ZNF555: variants seen among roughly 807,000 people sequenced by gnomAD.
ZNF555 encodes the protein zinc finger protein 555.
In ZNF555, 10 loss-of-function variants were observed where a neutral mutation model predicts 14.0. That is an observed-to-expected ratio of 0.72 (90% CI 0.44 to 1.21). The LOEUF is 1.21. Among genes scored for constraint, ZNF555 ranks in the 50% most tolerant of loss-of-function variants. ZNF555 has a pLI of 0.00. For synonymous variants in ZNF555, 277 were observed against 262.4 expected (o/e 1.06, Z -0.54); for missense variants, 747 against 762.0 (o/e 0.98, Z 0.23).
In ZNF555 at chr19:2,852,912, C is replaced by A. The variant is rs770469039; in HGVS notation, c.847C>A (p.Pro283Thr). The A allele has an allele frequency of 1.9e-6, 3 of 1,614,162 alleles. No individual in the cohort carries two copies. Among genetic ancestry groups the A allele is most frequent in the Non-Finnish European group, 2.5e-6 (3 of 1,180,046 alleles). Reference sequence around the variant, plus strand: ...CACAATAACACACACTGGCGAGAAGCCATATAAATGTAAGGAATGTGCGGA... The same window carrying A: ...CACAATAACACACACTGGCGAGAAGACATATAAATGTAAGGAATGTGCGGA... ...RHTITHTGEK[P>T]YKCKECAEAF... Residue 283 changes from proline (P) to threonine (T), a missense_variant, in exon 4 of 4, where the codon CCA (proline) becomes ACA (threonine). Transcript: ENST00000334241.
At position 2,859,193 on chromosome 19, in the gene ZNF555, G is replaced by A. The variant is rs1233116666; in HGVS notation, c.*5241G>A. On this transcript the variant is annotated 3_prime_UTR_variant, in exon 4 of 4. Coordinates refer to ENST00000334241, the MANE Select transcript of ZNF555 (RefSeq NM_152791.5). ...TGTGCTTTGTTGGGGCTATCTGGGA[G>A]TTTCCGCCTTCCATGAAGTGCGCAG... 1 of 152,318 alleles carries A rather than the reference G, an allele frequency of 6.6e-6. No homozygotes were observed. The highest frequency in any genetic ancestry group is 1.5e-5 in the Non-Finnish European group (1 of 68,098). The allele number at this position is 152,318 out of a possible 1,614,324, so 9.4% of individuals were successfully genotyped here.
chr19:2,842,025 C>G (rs1346950264), intron 1 of ZNF555, among the ~76,000 whole-genome samples: 4 of 152,038 alleles, frequency 2.6e-5, no homozygotes, highest in Non-Finnish European at 5.9e-5. Flanking sequence ...GCCGCGGTGC[C>G]TCCTGGGGTG....
intron 1 of ZNF555, among the ~76,000 whole-genome samples, chr19:2,844,798 CG>C (rs1289745542): frequency 6.6e-6 from 1 of 152,172 alleles, no homozygotes; most frequent in Non-Finnish European, 1.5e-5. Flanking sequence ...GCTCTTCCTG[CG>C]TCCACCCCCT....
intron 1 of ZNF555, among the ~76,000 whole-genome samples, chr19:2,848,237 CGCCTCCCGGGTTCACGCCATTCTCCT>C (rs1386080108): frequency 3.9e-5 from 6 of 151,920 alleles, no homozygotes; most frequent in Non-Finnish European, 7.4e-5. Context: ...CTACAAGCTC[CGCCTCCCGGGTTCACGCCATTCTCCT>C]GCCTCAGCCT....
intron 1 of ZNF555, among the ~76,000 whole-genome samples, chr19:2,842,494 A>G (rs1260087442): frequency 6.6e-6 from 1 of 152,204 alleles, no homozygotes; most frequent in African/African-American, 2.4e-5. Context: ...GGGGGCTAAA[A>G]CCACGGAAAT....
At position 2,851,561 on chromosome 19, in the gene ZNF555, C is replaced by G; in HGVS notation, c.224C>G (p.Thr75Ser). 1 of 1,612,740 alleles carries G rather than the reference C, an allele frequency of 6.2e-7. No homozygotes were observed. The highest frequency in any genetic ancestry group is 8.5e-7 in the Non-Finnish European group (1 of 1,179,672). ...AAGGAATCTAAAATAGCCACGTTCA[C>G]CAGAAATGTTTCCTGGGCCTCTGTT... ...IPKESKIATF[T>S]RNVSWASVLG... The change falls in exon 3 of 4, where the codon ACC (threonine) becomes AGC (serine). Residue 75 changes from threonine to serine, a missense_variant. Transcript: ENST00000334241.
chr19:2,845,878 G>A (rs1430669003), intron 1 of ZNF555, among the ~76,000 whole-genome samples: 3 of 152,174 alleles, frequency 2.0e-5, no homozygotes, highest in Admixed American at 6.5e-5. Context: ...ACTTAGACCT[G>A]GGTGTCTTCC....
chr19:2,849,395 T>C (rs1486625674), intron 1 of ZNF555, among the ~76,000 whole-genome samples: 1 of 152,134 alleles, frequency 6.6e-6, no homozygotes, highest in East Asian at 1.9e-4. Context: ...TTATAACCAT[T>C]GAAAATTCGT....
chr19:2,854,045 C>T lies in ZNF555; in HGVS notation c.*93C>T. Reference sequence around the variant, plus strand: ...TGAAAAATAATTCTCCAAATACTCTCAGCTATCCTACATGAATTTGAACAG... The same window carrying T: ...TGAAAAATAATTCTCCAAATACTCTTAGCTATCCTACATGAATTTGAACAG... On this transcript the variant is annotated 3_prime_UTR_variant, in exon 4 of 4. Coordinates refer to ENST00000334241, the MANE Select transcript of ZNF555 (RefSeq NM_152791.5). 1 of 1,464,198 alleles carries T rather than the reference C, an allele frequency of 6.8e-7. No individual in the cohort carries two copies. Among genetic ancestry groups the T allele is most frequent in the Non-Finnish European group, 9.3e-7 (1 of 1,079,800 alleles). The allele number at this position is 1,464,198 out of a possible 1,614,324, so 90.7% of individuals were successfully genotyped here.
intron 1 of ZNF555, among the ~76,000 whole-genome samples, chr19:2,847,662 TAA>T (rs1448026996): frequency 6.6e-6 from 1 of 152,018 alleles, no homozygotes; most frequent in Non-Finnish European, 1.5e-5. Context: ...TTAAAAAAAA[TAA>T]AAAATAAAGA....
At position 2,853,421 on chromosome 19, in the gene ZNF555, T is replaced by A. The variant is rs137918239; in HGVS notation, c.1356T>A (p.Tyr452Ter). 18 of 1,614,120 alleles carry A rather than the reference T, an allele frequency of 1.1e-5. No homozygotes were observed. The highest frequency in any genetic ancestry group is 1.5e-5 in the Non-Finnish European group (18 of 1,180,002). The change falls in exon 4 of 4, where the codon TAT (tyrosine) becomes TAA (stop). Residue 452 changes from tyrosine (Y) to a stop codon, truncating the protein, a stop_gained. Coordinates refer to ENST00000334241, the MANE Select transcript of ZNF555 (RefSeq NM_152791.5). LOFTEE classifies it low-confidence loss of function (END_TRUNC). ...GAACACATACTAGAGAGAAACCCTA[T>A]GAATGTAAGCAGTGTGGGAAAGCCT... ...HMRTHTREKP[Y>*]ECKQCGKAFS...
At chr19:2,844,366 G>C (rs932086539) in intron 1 of ZNF555, among the ~76,000 whole-genome samples, 1 of 152,150 alleles carries the variant, frequency 6.6e-6, no homozygotes, top group African/African-American at 2.4e-5. Flanking sequence ...GCCTCCCAAA[G>C]TGCTGGGATT....
At chr19:2,845,775 T>A (rs1308264475) in intron 1 of ZNF555, among the ~76,000 whole-genome samples, 1 of 152,044 alleles carries the variant, frequency 6.6e-6, no homozygotes, top group Non-Finnish European at 1.5e-5. Flanking sequence ...GCTTATTAAG[T>A]TTCTGTAGTA....
Position 2,853,812 on chromosome 19 carries a change from G to A in ZNF555, c.1747G>A (p.Val583Met). The change falls in exon 4 of 4, where the codon GTG (valine) becomes ATG (methionine). Residue 583 changes from valine to methionine, a missense_variant. By Grantham distance (21) the Val-to-Met change is conservative. Transcript: ENST00000334241. ...TTGTTCCTCATCCTTAAGGCGACAT[G>A]TGAGAATACACACTACAGAAAAACA... is the stretch of plus-strand genomic sequence containing the variant. ...FNCSSSLRRH[V>M]RIHTTEKQYK... 6.2e-7 allele frequency: 1 copy of A among 1,613,440 alleles called. No individual in the cohort carries two copies. The highest frequency in any genetic ancestry group is 8.5e-7 in the Non-Finnish European group (1 of 1,179,698).
At chr19:2,842,189 C>A (rs571362867) in intron 1 of ZNF555, among the ~76,000 whole-genome samples, 1,791 of 152,266 alleles carry the variant, frequency 0.012, 21 homozygotes, top group Non-Finnish European at 0.017. Context: ...ACGCCCCCAC[C>A]TGCAAAGGCA....
At chr19:2,848,271 C>G (rs1599562948) in intron 1 of ZNF555, among the ~76,000 whole-genome samples, 1 of 151,984 alleles carries the variant, frequency 6.6e-6, no homozygotes, top group East Asian at 1.9e-4. Context: ...CCTGCCTCAG[C>G]CTCCCGAGTA....
intron 1 of ZNF555, 100 bp from the exon 2 acceptor site, chr19:2,850,487 G>T: frequency 6.6e-7 from 1 of 1,506,322 alleles, no homozygotes; most frequent in Admixed American, 1.9e-5. Context: ...TAGATGTCAG[G>T]GAATCACAGA....
At position 2,850,567 on chromosome 19, in the gene ZNF555, A is replaced by G; in HGVS notation, c.4-20A>G. ...TCTCGGTCTCAACCATCCTCCCATA[A>G]ATATGTTGAATTGTTTTAGGACTCA... On this transcript the variant is annotated intron_variant, in intron 1 of 3. Transcript: ENST00000334241. 1 of 1,611,510 alleles carries G rather than the reference A, an allele frequency of 6.2e-7. No homozygotes were observed. Among genetic ancestry groups the G allele is most frequent in the Middle Eastern group, 1.7e-4 (1 of 6,044 alleles).
chr19:2,841,876 A>AC (rs898539365), intron 1 of ZNF555, among the ~76,000 whole-genome samples: 1 of 150,334 alleles, frequency 6.7e-6, no homozygotes, highest in Non-Finnish European at 1.5e-5. Context: ...TGCGCTCCCG[A>AC]CCCCCCACGC....
Sources: allele counts gnomAD v4.1 joint callset (sites outside exome capture counted in the v4.1 genomes callset), GRCh38; gene constraint gnomAD v4.1.1; transcripts MANE v1.5; gene names NCBI Gene and HGNC (gene_info 2026-07-23, HGNC 2026-07-21).